Variants in GPC6 observed in about 807,000 individuals in gnomAD.
The protein encoded by GPC6 is glypican 6.
A neutral mutation model predicts 55.2 loss-of-function variants in GPC6; 14 were observed. That is an observed-to-expected ratio of 0.25 (90% confidence interval 0.17 to 0.40). The LOEUF is 0.40. Ranked by LOEUF, GPC6 falls within the 10% of genes least tolerant of loss-of-function variation. The pLI is 1.00. For synonymous variants in GPC6, 278 were observed against 259.6 expected (o/e 1.07, Z -0.68); for missense variants, 641 against 708.5 (o/e 0.90, Z 1.08).
intron 2 of GPC6, among the ~76,000 whole-genome samples, chr13:93,588,083 TGAA>T (rs1228197859): frequency 2.0e-5 from 3 of 152,310 alleles, no homozygotes; most frequent in East Asian, 1.9e-4. Flanking sequence ...AAAACTGAGA[TGAA>T]GAAGATGAGT....
At chr13:93,895,099 T>C (rs1875911297) in intron 3 of GPC6, among the ~76,000 whole-genome samples, 1 of 150,502 alleles carries the variant, frequency 6.6e-6, no homozygotes, top group African/African-American at 2.4e-5. Flanking sequence ...TATATGTCTA[T>C]ATATATATTT....
chr13:94,061,288 C>T (rs1457101596), intron 4 of GPC6, among the ~76,000 whole-genome samples: 2 of 152,164 alleles, frequency 1.3e-5, no homozygotes, highest in African/African-American at 4.8e-5. Context: ...ACTACAAAAT[C>T]ACTGCCCCAT....
At chr13:93,273,088 T>C (rs1877593501) in intron 1 of GPC6, among the ~76,000 whole-genome samples, 1 of 152,104 alleles carries the variant, frequency 6.6e-6, no homozygotes, top group South Asian at 2.1e-4. Context: ...ACCTGTAAAG[T>C]CAAATGTGAA....
chr13:94,198,380 G>GGAA (rs1889647244), intron 4 of GPC6, among the ~76,000 whole-genome samples: 1 of 152,148 alleles, frequency 6.6e-6, no homozygotes, highest in Non-Finnish European at 1.5e-5. Context: ...GACCATTACA[G>GGAA]GAATAACCAT....
At chr13:94,075,449 T>C (rs141608517) in intron 4 of GPC6, among the ~76,000 whole-genome samples, 36 of 151,852 alleles carry the variant, frequency 2.4e-4, no homozygotes, top group East Asian at 7.8e-4. Flanking sequence ...TGTGTGTGTG[T>C]GCGCGCTAAG....
At chr13:94,317,871 G>A (rs928610896) in intron 6 of GPC6, among the ~76,000 whole-genome samples, 4 of 152,114 alleles carry the variant, frequency 2.6e-5, no homozygotes, top group Admixed American at 6.5e-5. Context: ...GTGCATGTGT[G>A]TGCATGTGTG....
intron 4 of GPC6, among the ~76,000 whole-genome samples, chr13:94,073,223 C>T (rs1024772940): frequency 6.6e-6 from 1 of 152,152 alleles, no homozygotes; most frequent in Admixed American, 6.5e-5. Flanking sequence ...TGGTTTGATT[C>T]TGATCCAGGA....
intron 1 of GPC6, among the ~76,000 whole-genome samples, chr13:93,316,950 G>C (rs1316924926): frequency 6.6e-6 from 1 of 152,068 alleles, no homozygotes; most frequent in Non-Finnish European, 1.5e-5. Flanking sequence ...TATCTGATCT[G>C]CATTTGAGGA....
intron 1 of GPC6, among the ~76,000 whole-genome samples, chr13:93,250,330 T>C (rs1270291875): frequency 6.6e-6 from 1 of 152,138 alleles, no homozygotes; most frequent in Non-Finnish European, 1.5e-5. Context: ...AAACTGAGGG[T>C]CCTAGGGCTC....
At chr13:94,309,824 C>T (rs1282145834) in intron 6 of GPC6, among the ~76,000 whole-genome samples, 3 of 151,804 alleles carry the variant, frequency 2.0e-5, no homozygotes, top group Non-Finnish European at 4.4e-5. Context: ...ACGTTGCTTT[C>T]TTGTCACCAA....
chr13:94,206,713 G>A (rs371328901), intron 4 of GPC6, among the ~76,000 whole-genome samples: 7 of 152,004 alleles, frequency 4.6e-5, no homozygotes, highest in African/African-American at 1.7e-4. Context: ...TATTAGCTGG[G>A]TGTAGTGGAA....
At chr13:94,340,505 T>G (rs1877979076) in intron 6 of GPC6, among the ~76,000 whole-genome samples, 1 of 152,198 alleles carries the variant, frequency 6.6e-6, no homozygotes. Context: ...CTTGGGGAGA[T>G]CCTTCTTCTT....
rs146459526 is a variant in GPC6, at chr13:93,773,125, T to C, written c.320-57029T>C. On this transcript the variant is annotated intron_variant, in intron 2 of 8. Coordinates refer to ENST00000377047, the MANE Select transcript of GPC6 (RefSeq NM_005708.5). ...AGAAAAAAGAAAAACTAGGAGAGAA[T>C]AAGAAATGGAGATTGTTTAAAGAAA... 2.8e-3 allele frequency among the ~76,000 whole-genome samples: 431 copies of C among 152,212 alleles called. 1 individual carries two copies. Among genetic ancestry groups the C allele is most frequent in the African/African-American group, 9.8e-3 (406 of 41,560 alleles).
intron 4 of GPC6, among the ~76,000 whole-genome samples, chr13:94,189,409 G>A (rs1889309909): frequency 6.6e-6 from 1 of 152,140 alleles, no homozygotes; most frequent in African/African-American, 2.4e-5. Flanking sequence ...GAACAGGAGA[G>A]GGAGGCATGC....
chr13:94,355,341 C>T (rs934088949), intron 6 of GPC6, among the ~76,000 whole-genome samples: 10 of 152,118 alleles, frequency 6.6e-5, no homozygotes, highest in African/African-American at 2.4e-4. Flanking sequence ...TCTCTTTCTT[C>T]GGCCATCGTC....
rs557964789 is a variant in GPC6 at position 93,790,498 on chromosome 13, T to A, written c.320-39656T>A. On this transcript the variant is annotated intron_variant, in intron 2 of 8. Transcript: ENST00000377047. ...GATATCAGATTTATTATTGGTAACATGAGGAAAAGCTCTTGCATTCAGAAC... is the reference window on the plus strand; with the variant it reads ...GATATCAGATTTATTATTGGTAACAAGAGGAAAAGCTCTTGCATTCAGAAC... 4.9e-4 allele frequency among the ~76,000 whole-genome samples: 74 copies of A among 152,288 alleles called. 1 individual carries two copies. The highest frequency in any genetic ancestry group is 3.4e-3 in the Middle Eastern group (1 of 292).
At chr13:93,782,563 A>G (rs1020191726) in intron 2 of GPC6, among the ~76,000 whole-genome samples, 9 of 152,138 alleles carry the variant, frequency 5.9e-5, no homozygotes. Flanking sequence ...ATGTATAAGA[A>G]TTCCTTTTTC....
Position 93,420,933 on chromosome 13 carries a change from C to G in GPC6, c.161-124330C>G, listed in dbSNP as rs563901320. Among the ~76,000 whole-genome samples the G allele has an allele frequency of 2.0e-5, 3 of 152,082 alleles. No homozygotes were observed. In the South Asian group the frequency reaches 6.2e-4, roughly 32 times the overall value. On this transcript the variant is annotated intron_variant, in intron 1 of 8. Coordinates refer to ENST00000377047, the MANE Select transcript of GPC6 (RefSeq NM_005708.5). ...GGGAGTATCTAATTACATTGAGTGT[C>G]AGGGTCATGGTGGATCCTGAATGAC... is the stretch of plus-strand genomic sequence containing the variant.
chr13:94,274,886 C>T (rs1345164115), intron 4 of GPC6, among the ~76,000 whole-genome samples: 1 of 152,022 alleles, frequency 6.6e-6, no homozygotes, highest in Non-Finnish European at 1.5e-5. Flanking sequence ...TGAATTCCCA[C>T]AGAAACTCTT....
Sources: gnomAD v4.1 joint callset for allele counts (sites outside exome capture counted in the v4.1 genomes callset) on GRCh38, gnomAD v4.1.1 for gene constraint, MANE v1.5 for transcripts, NCBI Gene and HGNC (gene_info 2026-07-23, HGNC 2026-07-21) for gene names.